Variants in CA10 observed in about 807,000 individuals in gnomAD.
The protein encoded by CA10 is carbonic anhydrase 10 (inactive).
Under a neutral mutation model 44.2 loss-of-function variants are expected in CA10, and 14 were observed. That is an observed-to-expected ratio of 0.32 (90% CI 0.21 to 0.50). The LOEUF (loss-of-function observed/expected upper bound fraction) is 0.50, where lower values mean the gene tolerates loss of function less well. Ranked by LOEUF, CA10 falls within the 20% of genes least tolerant of loss-of-function variation. CA10 has a pLI of 0.99. For synonymous variants in CA10, 159 were observed against 141.6 expected (o/e 1.12, Z -0.87); for missense variants, 350 against 409.7 (o/e 0.85, Z 1.26).
At chr17:51,736,735 C>T (rs1487227549) in intron 4 of CA10, among the ~76,000 whole-genome samples, 2 of 152,160 alleles carry the variant, frequency 1.3e-5, no homozygotes, top group African/African-American at 4.8e-5. Flanking sequence ...AATTTACACA[C>T]ATAAAATGCC....
rs78986110 is a variant in CA10, at chr17:51,972,376, G to A, written c.137-41244C>T. On this transcript the variant is annotated intron_variant, in intron 2 of 8. Transcript: ENST00000451037. ...TCTAAAGTTAATACTCAAGATTATC[G>A]ATGGTATTCTAAACTAAGTTTTGTA... is the stretch of plus-strand genomic sequence containing the variant. 3.0e-3 allele frequency among the ~76,000 whole-genome samples: 452 copies of A among 151,766 alleles called. 13 individuals are homozygous for A. The highest frequency in any genetic ancestry group is 0.01 in the African/African-American group (424 of 41,324).
chr17:51,765,941 G>A (rs1029584455), intron 3 of CA10, among the ~76,000 whole-genome samples: 13 of 152,132 alleles, frequency 8.5e-5, no homozygotes, highest in African/African-American at 2.9e-4. Flanking sequence ...GGTAAGCAGT[G>A]CCAAGTGTGA....
intron 2 of CA10, among the ~76,000 whole-genome samples, chr17:51,972,708 G>T (rs1984324931): frequency 6.6e-6 from 1 of 151,952 alleles, no homozygotes; most frequent in Admixed American, 6.6e-5. Context: ...AGCATAGTGT[G>T]CTAATCTTTT....
intron 2 of CA10, among the ~76,000 whole-genome samples, chr17:52,050,353 A>G (rs2970025): frequency 0.99 from 151,073 of 152,140 alleles, 75,015 homozygotes; most frequent in East Asian, 1. Flanking sequence ...TGACTCTCCA[A>G]GTCTAGTCAC....
chr17:52,032,603 G>A (rs1342391724), intron 2 of CA10, among the ~76,000 whole-genome samples: 2 of 152,142 alleles, frequency 1.3e-5, no homozygotes, highest in African/African-American at 4.8e-5. Flanking sequence ...ACTTCTCTCT[G>A]GCAAGGAGAA....
chr17:51,717,729 A>ATGTATGCATG (rs1403695469), intron 4 of CA10, among the ~76,000 whole-genome samples: 3 of 29,244 alleles, frequency 1.0e-4, no homozygotes, highest in African/African-American at 9.8e-5. Context: ...GTATATATAC[A>ATGTATGCATG]TATATACGTA....
At chr17:52,066,469 T>C (rs1355672658) in intron 2 of CA10, among the ~76,000 whole-genome samples, 1 of 152,154 alleles carries the variant, frequency 6.6e-6, no homozygotes, top group Non-Finnish European at 1.5e-5. Context: ...GAATCATGGG[T>C]GCAGTTTCCA....
chr17:52,122,954 C>T (rs1405279827), intron 1 of CA10, among the ~76,000 whole-genome samples: 1 of 151,438 alleles, frequency 6.6e-6, no homozygotes, highest in Non-Finnish European at 1.5e-5. Context: ...TTTTGAAATA[C>T]TTTTTTTTTG....
chr17:52,053,664 T>A (rs1987140693), intron 2 of CA10, among the ~76,000 whole-genome samples: 1 of 151,892 alleles, frequency 6.6e-6, no homozygotes, highest in Admixed American at 6.6e-5. Flanking sequence ...AAGGCAGAGA[T>A]AGAAATTGAG....
In CA10 at chr17:51,704,131, G is replaced by A. The variant is rs116981143; in HGVS notation, c.465+43502C>T. On this transcript the variant is annotated intron_variant, in intron 4 of 8. Transcript: ENST00000451037. ...CATCCATGTACTAACCCATCTATCC[G>A]TCCATCCATTCATCCATCCATCAAT... Among the ~76,000 whole-genome samples, 62 of 152,134 alleles carry A rather than the reference G, an allele frequency of 4.1e-4. 1 individual carries two copies. In the East Asian group the frequency reaches 8.3e-3, roughly 20 times the overall value.
At chr17:52,027,521 G>A (rs1420316370) in intron 2 of CA10, among the ~76,000 whole-genome samples, 1 of 152,082 alleles carries the variant, frequency 6.6e-6, no homozygotes, top group Non-Finnish European at 1.5e-5. Context: ...GGTTACTCTG[G>A]GAGTCTAGGA....
At chr17:51,785,717 A>T (rs1027893752) in intron 3 of CA10, among the ~76,000 whole-genome samples, 5 of 152,198 alleles carry the variant, frequency 3.3e-5, no homozygotes, top group African/African-American at 1.2e-4. Flanking sequence ...GCTCAGTAGT[A>T]TAATTTGATG....
At chr17:51,643,668 A>G (rs1189706089) in intron 6 of CA10, among the ~76,000 whole-genome samples, 2 of 152,220 alleles carry the variant, frequency 1.3e-5, no homozygotes, top group African/African-American at 4.8e-5. Flanking sequence ...ATTTAAAACA[A>G]GCAAATTCTG....
At chr17:51,976,927 A>G (rs2144079962) in intron 2 of CA10, among the ~76,000 whole-genome samples, 1 of 152,172 alleles carries the variant, frequency 6.6e-6, no homozygotes, top group African/African-American at 2.4e-5. Flanking sequence ...GAAATATTAT[A>G]TAATTTTATG....
intron 2 of CA10, among the ~76,000 whole-genome samples, chr17:51,958,234 A>G (rs1598139505): frequency 6.6e-6 from 1 of 150,630 alleles, no homozygotes; most frequent in Non-Finnish European, 1.5e-5. Context: ...CCATGTAAGT[A>G]TGATTCTACT....
chr17:51,725,249 G>T (rs1187088719), intron 4 of CA10, among the ~76,000 whole-genome samples: 1 of 152,214 alleles, frequency 6.6e-6, no homozygotes, highest in Non-Finnish European at 1.5e-5. Flanking sequence ...TGATGAGTGG[G>T]CCGGAGCCCC....
chr17:51,935,453 A>T (rs1982827933), intron 2 of CA10, among the ~76,000 whole-genome samples: 1 of 152,180 alleles, frequency 6.6e-6, no homozygotes, highest in Non-Finnish European at 1.5e-5. Flanking sequence ...TTTGAATTCC[A>T]TCATCCTTGG....
intron 3 of CA10, among the ~76,000 whole-genome samples, chr17:51,754,532 G>A (rs1183618716): frequency 6.7e-6 from 1 of 150,358 alleles, no homozygotes; most frequent in Non-Finnish European, 1.5e-5. Flanking sequence ...CTGGAGGCAA[G>A]AGCTGATGCT....
intron 2 of CA10, among the ~76,000 whole-genome samples, chr17:52,057,825 C>T (rs751053386): frequency 1.3e-5 from 2 of 152,098 alleles, no homozygotes; most frequent in African/African-American, 2.4e-5. Flanking sequence ...AGACAATGCA[C>T]GCTGTTACTG....
Sources: allele counts gnomAD v4.1 joint callset (sites outside exome capture counted in the v4.1 genomes callset), GRCh38; gene constraint gnomAD v4.1.1; transcripts MANE v1.5; gene names NCBI Gene and HGNC (gene_info 2026-07-23, HGNC 2026-07-21).